Variants in PTGER3 observed in about 807,000 individuals in gnomAD.
The protein encoded by PTGER3 is prostaglandin E2 receptor EP3 subtype.
In PTGER3, 22 loss-of-function variants were observed where a neutral mutation model predicts 34.7. The ratio of observed to expected loss-of-function variants is 0.63; its 90% CI spans 0.45 to 0.91. The LOEUF is 0.91. Among genes scored for constraint, PTGER3 ranks in the 40% least tolerant of loss-of-function variants. PTGER3 has a pLI of 0.00. For missense variants in PTGER3, 468 were observed against 519.4 expected, an observed-to-expected ratio of 0.90 and a Z score of 0.96; for synonymous variants, 241 against 230.1, an observed-to-expected ratio of 1.05 and a Z score of -0.43.
At chr1:70,852,509 G>C in exon 5 of PTGER3, 1 of 365,570 alleles carries the variant, frequency 2.7e-6, no homozygotes, top group East Asian at 6.1e-5. Flanking sequence ...ACGATTTAGA[G>C]CTCCATGTTT....
At chr1:70,940,889 C>G (rs745421099) in intron 4 of PTGER3, among the ~76,000 whole-genome samples, 9 of 152,142 alleles carry the variant, frequency 5.9e-5, no homozygotes, top group Non-Finnish European at 1.3e-4. Context: ...ATTCATGTTT[C>G]TAACTCATGG....
chr1:70,973,753 T>C (rs1653389224), intron 3 of PTGER3, among the ~76,000 whole-genome samples: 1 of 152,186 alleles, frequency 6.6e-6, no homozygotes, highest in South Asian at 2.1e-4. Context: ...TAGCCATTAA[T>C]AGAAATACTA....
Position 71,047,457 on chromosome 1 carries a change from G to C in PTGER3, c.121C>G (p.Pro41Ala), listed in dbSNP as rs1328620495. ...GATCCGCAATCCTCGCCAGACCCTG[G>C]AGGGCGCGTGAGGTTGCCCCGCGCC... ...AEARGNLTRP[P>A]GSGEDCGSVS... The change falls in exon 1 of 4, where the codon CCA becomes GCA. Residue 41 changes from proline (P) to alanine (A), a missense_variant. Around this residue, in one of 5 missense-constraint regions of PTGER3, gnomAD observed 151 missense variants for 133.5 expected, o/e 1.13. Transcript: ENST00000306666. The C allele has an allele frequency of 6.2e-7, 1 of 1,610,068 alleles. No homozygotes were observed.
intron 4 of PTGER3, among the ~76,000 whole-genome samples, chr1:70,933,899 G>T (rs193035098): frequency 6.6e-6 from 1 of 152,170 alleles, no homozygotes; most frequent in African/African-American, 2.4e-5. Context: ...GTACTGCCAG[G>T]CATTGGAAAT....
At chr1:70,852,694 G>C in exon 5 of PTGER3, 1 of 957,566 alleles carries the variant, frequency 1.0e-6, no homozygotes, top group South Asian at 1.4e-5. Context: ...ACAGCTTCTG[G>C]ATAACAGTTA....
chr1:70,982,697 A>T (rs2100733741), intron 2 of PTGER3, among the ~76,000 whole-genome samples: 1 of 152,286 alleles, frequency 6.6e-6, no homozygotes, highest in Admixed American at 6.5e-5. Context: ...AGAGCTAAAA[A>T]ATTTACTGTC....
intron 2 of PTGER3, among the ~76,000 whole-genome samples, chr1:71,004,742 T>C (rs1430804498): frequency 5.9e-5 from 9 of 152,212 alleles, no homozygotes; most frequent in African/African-American, 2.2e-4. Context: ...AATAGAAAGA[T>C]GATACTTTCT....
chr1:70,871,257 A>T (rs746817093), intron 4 of PTGER3, among the ~76,000 whole-genome samples: 5 of 152,102 alleles, frequency 3.3e-5, no homozygotes, highest in Non-Finnish European at 7.4e-5. Context: ...AGCAAGAGAG[A>T]CAGTAGGGGG....
chr1:71,009,626 G>C, intron 2 of PTGER3: 3 of 985,046 alleles, frequency 3.0e-6, no homozygotes, highest in Non-Finnish European at 3.6e-6. Flanking sequence ...ATTGACACTT[G>C]CTAATTTTAC....
chr1:70,959,078 T>A (rs1261580223), intron 2 of PTGER3, among the ~76,000 whole-genome samples: 3 of 152,214 alleles, frequency 2.0e-5, no homozygotes, highest in Non-Finnish European at 1.5e-5. Context: ...ACTAGAGCTT[T>A]GTAGTATATT....
At chr1:70,856,440 C>CAAAAAA (rs34715178) in intron 4 of PTGER3, among the ~76,000 whole-genome samples, 1 of 82,936 alleles carries the variant, frequency 1.2e-5, no homozygotes, top group African/African-American at 4.9e-5. Flanking sequence ...AACTTCATCT[C>CAAAAAA]AAAAAAAAAA....
chr1:71,013,452 C>T (rs1034821361), intron 1 of PTGER3, among the ~76,000 whole-genome samples: 9 of 152,190 alleles, frequency 5.9e-5, no homozygotes, highest in African/African-American at 1.7e-4. Context: ...CCTGTAATCC[C>T]GGCACTTTGG....
Position 70,979,003 on chromosome 1 carries a change from C to A in PTGER3, c.1078-4615G>T, listed in dbSNP as rs549874246. 4.6e-5 allele frequency among the ~76,000 whole-genome samples: 7 copies of A among 152,218 alleles called. No homozygotes were observed. In the East Asian group the frequency reaches 1.4e-3, roughly 29 times the overall value. On this transcript the variant is annotated intron_variant, in intron 2 of 3. Coordinates refer to ENST00000306666, the MANE Select transcript of PTGER3 (RefSeq NM_198719.2). ...ATAATAGATTTGTAGATTTAATCCA[C>A]GCATAAATACCCTAGAACATACCTT... is the stretch of plus-strand genomic sequence containing the variant.
downstream of PTGER3, among the ~76,000 whole-genome samples, chr1:70,968,783 CT>C (rs1445006946): frequency 6.6e-6 from 1 of 151,616 alleles, no homozygotes; most frequent in Non-Finnish European, 1.5e-5. Context: ...AGATTTTAAA[CT>C]AATTGGACAA....
intron 4 of PTGER3, among the ~76,000 whole-genome samples, chr1:70,860,107 T>A (rs17131463): frequency 0.19 from 29,265 of 151,944 alleles, 3,561 homozygotes; most frequent in Admixed American, 0.35. Flanking sequence ...GTTATTTGGA[T>A]GAGGAAACTG....
At chr1:70,931,639 A>G (rs1427471897) in intron 4 of PTGER3, among the ~76,000 whole-genome samples, 1 of 152,190 alleles carries the variant, frequency 6.6e-6, no homozygotes, top group East Asian at 1.9e-4. Flanking sequence ...TGGGGCTTGC[A>G]CCAACTGAAA....
intron 4 of PTGER3, among the ~76,000 whole-genome samples, chr1:70,932,603 CT>C (rs1648816192): frequency 6.6e-6 from 1 of 152,118 alleles, no homozygotes; most frequent in Non-Finnish European, 1.5e-5. Flanking sequence ...GCAAAAACCC[CT>C]GATAAAACCA....
Position 71,033,608 on chromosome 1 carries a change from A to G in PTGER3, c.897+13073T>C, listed in dbSNP as rs533927129. Reference sequence around the variant, plus strand: ...GTGCCTGACACATTGTATGGACTCAATAAACAAATACTGATTGCATGCATG... The same window carrying G: ...GTGCCTGACACATTGTATGGACTCAGTAAACAAATACTGATTGCATGCATG... On this transcript the variant is annotated intron_variant, in intron 1 of 3. Transcript: ENST00000306666. Among the ~76,000 whole-genome samples, 21 of 152,354 alleles carry G rather than the reference A, an allele frequency of 1.4e-4. No individual in the cohort carries two copies. The South Asian group carries it at 2.9e-3, about 21-fold the overall frequency.
At chr1:71,017,361 T>C (rs1658000334) in intron 1 of PTGER3, among the ~76,000 whole-genome samples, 1 of 152,154 alleles carries the variant, frequency 6.6e-6, no homozygotes, top group African/African-American at 2.4e-5. Context: ...AGAAACACTT[T>C]TCTCTCAGAG....
Sources: allele counts gnomAD v4.1 joint callset (sites outside exome capture counted in the v4.1 genomes callset), GRCh38; gene constraint gnomAD v4.1.1; regional missense constraint gnomAD v4.1.1; transcripts MANE v1.5; gene names NCBI Gene and HGNC (gene_info 2026-07-23, HGNC 2026-07-21).